DYSF: variants seen among roughly 807,000 people sequenced by gnomAD.
DYSF encodes the protein dystrophy-associated fer-1-like 1.
DYSF carries 212 observed loss-of-function variants against 274.9 expected under a neutral mutation model. That is an observed-to-expected ratio of 0.77 (90% confidence interval 0.69 to 0.86). DYSF has a LOEUF of 0.86. Among genes scored for constraint, DYSF ranks in the 40% least tolerant of loss-of-function variants. The pLI, the probability that DYSF is intolerant of heterozygous loss-of-function variation, is 0.00. For missense variants in DYSF, 2,666 were observed against 2,783.2 expected, an observed-to-expected ratio of 0.96 and a Z score of 0.95; for synonymous variants, 1,091 against 1,078.7, an observed-to-expected ratio of 1.01 and a Z score of -0.22.
At position 71,567,842 on chromosome 2, in the gene DYSF, G is replaced by T. The variant is rs910395697; in HGVS notation, c.2566-109G>T. 3 of 1,494,352 alleles carry T rather than the reference G, an allele frequency of 2.0e-6. No individual in the cohort carries two copies. In the East Asian group the frequency reaches 6.8e-5, roughly 34 times the overall value. The allele number at this position is 1,494,352 out of a possible 1,614,324, so 92.6% of individuals were successfully genotyped here. On this transcript the variant is annotated intron_variant, in intron 24 of 55. Coordinates refer to ENST00000410020, the MANE Select transcript of DYSF (RefSeq NM_001130987.2). ...CCCACAGGGGACACTCCCAGTGAGG[G>T]TGTCAGCCTGCTCTACCCAGGCTTG...
At chr2:71,471,617 A>G (rs1274458650) in intron 1 of DYSF, among the ~76,000 whole-genome samples, 1 of 152,186 alleles carries the variant, frequency 6.6e-6, no homozygotes, top group Admixed American at 6.5e-5. Flanking sequence ...CCATTTCTCC[A>G]CCAGAAGTAA....
intron 36 of DYSF, among the ~76,000 whole-genome samples, chr2:71,605,990 C>T (rs1219724550): frequency 2.0e-5 from 3 of 152,178 alleles, no homozygotes; most frequent in Admixed American, 6.5e-5. Context: ...GTGACTGCAG[C>T]GTCTTCTGTC....
At position 71,667,521 on chromosome 2, in the gene DYSF, A is replaced by T. The variant is rs752366537; in HGVS notation, c.5457+6A>T. ...TGCAGCCAGACATCGAGCAGGTAGG[A>T]CCTTGACCCTTGGGTCCCAGAGTCC... On this transcript the variant is annotated splice_donor_region_variant and intron_variant, in intron 48 of 55. Transcript: ENST00000410020. The T allele has an allele frequency of 6.2e-7, 1 of 1,613,936 alleles. No homozygotes were observed. The highest frequency in any genetic ancestry group is 2.2e-5 in the East Asian group (1 of 44,860).
chr2:71,458,758 C>T (rs2081169008), intron 1 of DYSF, among the ~76,000 whole-genome samples: 1 of 152,168 alleles, frequency 6.6e-6, no homozygotes. Flanking sequence ...TGCTGTGCCC[C>T]AAGCACTGTG....
chr2:71,571,577 C>G (rs2092456401), intron 29 of DYSF, among the ~76,000 whole-genome samples: 1 of 144,836 alleles, frequency 6.9e-6, no homozygotes, highest in Non-Finnish European at 1.5e-5. Context: ...ACCCACCACA[C>G]ACAGATCACA....
chr2:71,539,495 CT>C (rs1319475803), intron 17 of DYSF, among the ~76,000 whole-genome samples: 1 of 152,154 alleles, frequency 6.6e-6, no homozygotes, highest in African/African-American at 2.4e-5. Context: ...AGAATATTGG[CT>C]GGCTGTGGCC....
intron 3 of DYSF, among the ~76,000 whole-genome samples, chr2:71,489,047 A>C (rs1325739347): frequency 6.6e-6 from 1 of 152,180 alleles, no homozygotes; most frequent in Non-Finnish European, 1.5e-5. Flanking sequence ...GAGAAGAGCC[A>C]GGGTCTAGCT....
intron 42 of DYSF, among the ~76,000 whole-genome samples, chr2:71,645,979 G>T (rs760023428): frequency 1.3e-5 from 2 of 152,150 alleles, no homozygotes; most frequent in Non-Finnish European, 2.9e-5. Context: ...GGGCTTTCAG[G>T]TGATTCTTTT....
intron 1 of DYSF, among the ~76,000 whole-genome samples, chr2:71,477,567 T>A (rs980882006): frequency 6.6e-6 from 1 of 152,142 alleles, no homozygotes; most frequent in African/African-American, 2.4e-5. Context: ...AATGTATGAG[T>A]GTAATTTTTT....
At chr2:71,495,487 T>G (rs986617454) in intron 3 of DYSF, among the ~76,000 whole-genome samples, 1 of 152,186 alleles carries the variant, frequency 6.6e-6, no homozygotes, top group Admixed American at 6.5e-5. Flanking sequence ...TTGAAAACAC[T>G]GGGTTGGTGA....
intron 1 of DYSF, among the ~76,000 whole-genome samples, chr2:71,460,077 T>G (rs986184240): frequency 1.3e-5 from 2 of 152,144 alleles, no homozygotes; most frequent in African/African-American, 4.8e-5. Context: ...AAACAAGCCC[T>G]AACTAACATT....
chr2:71,571,651 ACACAGATCACACCCAGCACACC>A (rs1310909320), intron 29 of DYSF, among the ~76,000 whole-genome samples: 78 of 135,718 alleles, frequency 5.7e-4, no homozygotes, highest in Non-Finnish European at 8.8e-4. Flanking sequence ...CAGAGATCAC[ACACAGATCACACCCAGCACACC>A]CACAGATCAC....
chr2:71,686,347 G>T, intron 55 of DYSF, 107 bp from the exon 56 acceptor site: 1 of 1,419,418 alleles, frequency 7.0e-7, no homozygotes, highest in Non-Finnish European at 9.9e-7. Context: ...CCTCTTGCCT[G>T]TTGGCAGCTT....
chr2:71,653,569 C>A (rs2094706254), intron 42 of DYSF, among the ~76,000 whole-genome samples: 1 of 148,686 alleles, frequency 6.7e-6, no homozygotes, highest in African/African-American at 2.5e-5. Context: ...GACAAAAAAC[C>A]AAACACCGCA....
chr2:71,511,739 G>A, intron 4 of DYSF, 68 bp from the exon 5 acceptor site: 1 of 964,882 alleles, frequency 1.0e-6, no homozygotes, highest in Non-Finnish European at 1.6e-6. Context: ...CAGAAACAGG[G>A]AAGATACTGG....
rs886044637 is a variant in DYSF at position 71,569,847 on chromosome 2, C to T, written c.2892C>T (p.His964=). The T allele has an allele frequency of 6.2e-6, 10 of 1,614,006 alleles. No individual in the cohort carries two copies. The African/African-American group carries it at 9.3e-5, about 15-fold the overall frequency. The change falls in exon 27 of 56, where the codon CAC becomes CAT. Residue 964 remains histidine, a synonymous_variant. Coordinates refer to ENST00000410020, the MANE Select transcript of DYSF (RefSeq NM_001130987.2). ...KTLLHDMDAG[H]LSFVEEVFEN... ...TGCTCCATGACATGGACGCCGGTCA[C>T]CTGAGCTTCGTGGAAGAGGTGTTTG...
In DYSF at chr2:71,589,662, C is replaced by A; in HGVS notation, c.3472C>A (p.Pro1158Thr). Residue 1158 changes from proline (P) to threonine (T), a missense_variant, in exon 31 of 56, where the codon CCC becomes ACC. Pro to Thr is a conservative substitution (Grantham distance 38). This residue lies in a region of DYSF where 1,460 missense variants were observed against 1,502.1 expected (regional missense o/e 0.97). Transcript: ENST00000410020. ...VSTLSFGVNR[P>T]TISCIFDYGN... is the part of the protein sequence containing the mutation. ...CACCTTGAGCTTCGGTGTGAACAGA[C>A]CCACGATTTCCTGCATATTCGACTG... 6.2e-7 allele frequency: 1 copy of A among 1,614,132 alleles called. No homozygotes were observed. Among genetic ancestry groups the A allele is most frequent in the Non-Finnish European group, 8.5e-7 (1 of 1,179,988 alleles).
At chr2:71,454,051 A>T (rs1227995661) in exon 1 of DYSF, 1 of 1,614,110 alleles carries the variant, frequency 6.2e-7, no homozygotes, top group Non-Finnish European at 8.5e-7. Flanking sequence ...CCCGACACCG[A>T]CATCAGCGAT....
chr2:71,465,236 G>A (rs113235017), upstream of DYSF, among the ~76,000 whole-genome samples: 214 of 152,274 alleles, frequency 1.4e-3, no homozygotes, highest in African/African-American at 5.0e-3. Context: ...AGAGGGGATG[G>A]GGTCTATGCC....
Sources: allele counts gnomAD v4.1 joint callset (sites outside exome capture counted in the v4.1 genomes callset), GRCh38; gene constraint gnomAD v4.1.1; regional missense constraint gnomAD v4.1.1; transcripts MANE v1.5; gene names NCBI Gene and HGNC (gene_info 2026-07-23, HGNC 2026-07-21).